The following PTPRN variants were observed in gnomAD, a reference collection of about 807,000 sequenced individuals.
PTPRN encodes receptor-type tyrosine-protein phosphatase-like N.
A neutral mutation model predicts 108.5 loss-of-function variants in PTPRN; 70 were observed. That is an observed-to-expected ratio of 0.65 (90% CI 0.53 to 0.79). The LOEUF is 0.79. Ranked by LOEUF, PTPRN falls within the 30% of genes least tolerant of loss-of-function variation. The pLI is 0.00. For synonymous variants in PTPRN, 496 were observed against 524.6 expected, an observed-to-expected ratio of 0.95 and a Z score of 0.75; for missense variants, 1,136 against 1,295.5, an observed-to-expected ratio of 0.88 and a Z score of 1.89.
intron 19 of PTPRN, chr2:219,291,746 A>G (rs780420077): frequency 6.8e-6 from 4 of 592,156 alleles, no homozygotes; most frequent in South Asian, 2.0e-5. Context: ...TGCCCAAGCT[A>G]TGCACCTGGA....
rs988707773 is a variant in PTPRN at position 219,309,338 on chromosome 2, CG to C, written c.-7del. ...GGCCGCCGCGGGCGCCGCATCTTTC[CG>C]AGCTCCGGGCGCTCGCTCCCGGGCC... On this transcript the variant is annotated 5_prime_UTR_variant, in exon 1 of 23. Transcript: ENST00000295718. 3 of 1,420,452 alleles carry C rather than the reference CG, an allele frequency of 2.1e-6. No individual in the cohort carries two copies. The African/African-American group carries it at 4.5e-5, about 22-fold the overall frequency. The allele number at this position is 1,420,452 out of a possible 1,614,324, so 88.0% of individuals were successfully genotyped here.
chr2:219,290,180 C>CAAAGAGGG lies in PTPRN; in HGVS notation c.*38_*45dup, dbSNP rs1176657223. ...GGGTACACAGAGATGCTCACACAGG[C>CAAAGAGGG]AAAGAGGGACAGAGGCTGGGCTGCC... On this transcript the variant is annotated 3_prime_UTR_variant, in exon 23 of 23. Transcript: ENST00000295718. The surrounding 1 kb of genome is among the most constrained non-coding windows in gnomAD (Gnocchi z 4.2). The CAAAGAGGG allele has an allele frequency of 6.5e-7, 1 of 1,541,568 alleles. No individual in the cohort carries two copies. Among genetic ancestry groups the CAAAGAGGG allele is most frequent in the Non-Finnish European group, 9.0e-7 (1 of 1,114,738 alleles).
chr2:219,301,282 C>T (rs567289129), intron 7 of PTPRN, among the ~76,000 whole-genome samples: 2 of 151,962 alleles, frequency 1.3e-5, no homozygotes, highest in South Asian at 4.1e-4. Context: ...ACTGGCTATG[C>T]CCGTTTTTAG....
chr2:219,307,626 G>T, intron 2 of PTPRN, 69 bp from the exon 3 acceptor site: 1 of 1,493,972 alleles, frequency 6.7e-7, no homozygotes, highest in Non-Finnish European at 9.3e-7. Flanking sequence ...GGTTGCAAAT[G>T]GACTGTACTC....
Position 219,294,992 on chromosome 2 carries a change from G to C in PTPRN, c.2658C>G (p.Pro886=). 1 of 1,599,022 alleles carries C rather than the reference G, an allele frequency of 6.3e-7. No homozygotes were observed. The highest frequency in any genetic ancestry group is 8.5e-7 in the Non-Finnish European group (1 of 1,173,596). Residue 886 remains proline, a synonymous_variant, in exon 19 of 23, where the codon CCC becomes CCG. Coordinates refer to ENST00000295718, the MANE Select transcript of PTPRN (RefSeq NM_002846.4). ...GCGCTCACCTGCGGAAGTCCAGCAG[G>C]GGCCGCGTGGAGGCCGGTGTGCCCT... ...PAEGTPASTR[P]LLDFRRKVNK... is the part of the protein sequence containing the mutation.
chr2:219,297,851 T>C lies in PTPRN; in HGVS notation c.1887+34A>G, dbSNP rs368717574. On this transcript the variant is annotated intron_variant, in intron 13 of 22. Coordinates refer to ENST00000295718, the MANE Select transcript of PTPRN (RefSeq NM_002846.4). The surrounding 1 kb of genome is among the most constrained non-coding windows in gnomAD (Gnocchi z 6.0). ...ACCCAGACTCCCAGGCCCCTTGCATTTCCTTTGCTCAATCAGCTTCTGGGG... is the reference window on the plus strand; with the variant it reads ...ACCCAGACTCCCAGGCCCCTTGCATCTCCTTTGCTCAATCAGCTTCTGGGG... 8.7e-5 allele frequency: 136 copies of C among 1,568,324 alleles called. No homozygotes were observed. The African/African-American group carries it at 1.7e-3, about 19-fold the overall frequency.
At chr2:219,299,022 G>A in intron 12 of PTPRN, 25 bp downstream of exon 12, 4 of 1,613,824 alleles carry the variant, frequency 2.5e-6, no homozygotes, top group Non-Finnish European at 8.5e-7. Flanking sequence ...TGGGGACTTG[G>A]ACTGATTCTC....
intron 2 of PTPRN, 101 bp from the exon 3 acceptor site, chr2:219,307,658 C>A: frequency 6.9e-7 from 1 of 1,445,648 alleles, no homozygotes; most frequent in South Asian, 1.2e-5. Context: ...TCCCCTACCT[C>A]TCCTCCTCCA....
chr2:219,299,637 C>G, intron 10 of PTPRN, 63 bp downstream of exon 10: 1 of 1,470,180 alleles, frequency 6.8e-7, no homozygotes, highest in Non-Finnish European at 9.3e-7. Flanking sequence ...CCCCTCCAGC[C>G]ACCTCCTTGC....
chr2:219,294,160 T>C, intron 19 of PTPRN: 1 of 527,618 alleles, frequency 1.9e-6, no homozygotes, highest in Non-Finnish European at 3.9e-6. Flanking sequence ...GGAGTGAGAA[T>C]ACTAGCTGCA....
At chr2:219,295,659 G>C (rs1190296617) in intron 18 of PTPRN, 1 of 154,582 alleles carries the variant, frequency 6.5e-6, no homozygotes, top group Non-Finnish European at 1.4e-5. Flanking sequence ...TCTTTCCCCT[G>C]CTTGGCCTCT....
At chr2:219,294,943 C>T (rs1239431901) in intron 19 of PTPRN, 32 bp downstream of exon 19, 5 of 1,478,066 alleles carry the variant, frequency 3.4e-6, no homozygotes, top group Admixed American at 5.3e-5. Flanking sequence ...CCCGCCCATG[C>T]GGTCCCTCCA....
intron 18 of PTPRN, 27 bp from the exon 19 acceptor site, chr2:219,295,168 C>T (rs751020698): frequency 1.9e-6 from 3 of 1,596,224 alleles, no homozygotes; most frequent in Non-Finnish European, 2.6e-6. Context: ...CAGGCCTGAG[C>T]GCCGCGGGCT....
intron 10 of PTPRN, 61 bp from the exon 11 acceptor site, chr2:219,299,445 G>A: frequency 6.5e-7 from 1 of 1,533,444 alleles, no homozygotes; most frequent in Non-Finnish European, 9.0e-7. Flanking sequence ...TCAAAAAAGA[G>A]GCCAGCTCTG....
intron 9 of PTPRN, 94 bp from the exon 10 acceptor site, chr2:219,299,880 C>T: frequency 6.4e-7 from 1 of 1,564,174 alleles, no homozygotes; most frequent in Non-Finnish European, 8.7e-7. Context: ...AGCAGCCTGC[C>T]AATTCCCTGT....
chr2:219,300,562 G>A (rs1220036078), intron 8 of PTPRN: 2 of 466,382 alleles, frequency 4.3e-6, no homozygotes, highest in East Asian at 3.5e-5. Flanking sequence ...GGCAGGCGAT[G>A]GTTTCTAGAC....
At chr2:219,291,725 T>C in intron 19 of PTPRN, 1 of 605,400 alleles carries the variant, frequency 1.7e-6, no homozygotes, top group Non-Finnish European at 2.9e-6. Context: ...CCTTGTCACT[T>C]GCAAGCTAGG....
At position 219,302,376 on chromosome 2, in the gene PTPRN, A is replaced by G; in HGVS notation, c.755T>C (p.Ile252Thr). The stretch of plus-strand genomic sequence containing the variant: ...GGAGTGGCCAGGGTGGTCCCCAAAT[A>G]TGCCCTTGGAGGCAGTTCTGCTGAA... Reference protein sequence around the residue: ...ALFSRTASKGIFGDHPGHSYG... With the variant: ...ALFSRTASKGTFGDHPGHSYG... The change falls in exon 6 of 23, where the codon ATA becomes ACA. Residue 252 changes from isoleucine to threonine, a missense_variant. Ile to Thr is a moderately conservative substitution (Grantham distance 89). Coordinates refer to ENST00000295718, the MANE Select transcript of PTPRN (RefSeq NM_002846.4). 6.2e-7 allele frequency: 1 copy of G among 1,613,906 alleles called. No homozygotes were observed. Among genetic ancestry groups the G allele is most frequent in the Non-Finnish European group, 8.5e-7 (1 of 1,179,870 alleles).
intron 6 of PTPRN, 101 bp from the exon 7 acceptor site, chr2:219,301,820 G>A (rs1175279449): frequency 7.2e-7 from 1 of 1,380,994 alleles, no homozygotes; most frequent in African/African-American, 1.4e-5. Flanking sequence ...TGTTAAGAGA[G>A]TCTTCCCAGA....
Sources: gnomAD v4.1 joint callset for allele counts (sites outside exome capture counted in the v4.1 genomes callset) on GRCh38, gnomAD v4.1.1 for gene constraint, Gnocchi (gnomAD v3.1) non-coding constraint, MANE v1.5 for transcripts, NCBI Gene and HGNC (gene_info 2026-07-23, HGNC 2026-07-21) for gene names.